FKBP15: variants seen among roughly 807,000 people sequenced by gnomAD.
FKBP15 encodes the protein FKBP prolyl isomerase family member 15, also known as FK506-binding protein 15.
FKBP15 carries 106 observed loss-of-function variants against 158.1 expected under a neutral mutation model. That is an observed-to-expected ratio of 0.67 (90% CI 0.57 to 0.79). FKBP15 has a LOEUF of 0.79. FKBP15 is among the 30% of genes least tolerant of loss of function. The pLI is 0.00. For missense variants in FKBP15, 1,287 were observed against 1,479.1 expected (o/e 0.87, Z 2.13); for synonymous variants, 547 against 548.6 (o/e 1.00, Z 0.04).
intron 2 of FKBP15, among the ~76,000 whole-genome samples, chr9:113,211,102 CATACGT>C (rs1336735048): frequency 1.3e-5 from 2 of 152,222 alleles, no homozygotes; most frequent in Non-Finnish European, 2.9e-5. Context: ...CACTTTCACA[CATACGT>C]ATATTCTATT....
At chr9:113,188,849 C>CA (rs34707583) in intron 12 of FKBP15, among the ~76,000 whole-genome samples, 5 of 152,078 alleles carry the variant, frequency 3.3e-5, no homozygotes, top group African/African-American at 9.7e-5. Context: ...TCTATTCCCA[C>CA]AAAAAAAGTG....
chr9:113,180,169 T>C (rs1830368090), intron 19 of FKBP15, among the ~76,000 whole-genome samples: 1 of 151,954 alleles, frequency 6.6e-6, no homozygotes, highest in African/African-American at 2.4e-5. Context: ...TTAAGCAGAG[T>C]AGAAAATCAC....
rs760891480 is a variant in FKBP15 at position 113,169,661 on chromosome 9, T to C, written c.3048A>G (p.Ala1016=). The C allele has an allele frequency of 6.2e-7, 1 of 1,613,930 alleles. No homozygotes were observed. Among genetic ancestry groups the C allele is most frequent in the Admixed American group, 1.7e-5 (1 of 60,016 alleles). The change falls in exon 26 of 28, where the codon GCA becomes GCG. Residue 1016 remains alanine, a synonymous_variant. Transcript: ENST00000238256. ...HRRKGDSEAE[A]LSEIKDGSLP... The stretch of plus-strand genomic sequence containing the variant: ...GGGAACCATCTTTTATCTCTGAGAG[T>C]GCCTCAGCTTCTGAGTCCCCTTTCC...
intron 2 of FKBP15, among the ~76,000 whole-genome samples, chr9:113,211,007 C>G: frequency 6.6e-6 from 1 of 152,236 alleles, no homozygotes; most frequent in Non-Finnish European, 1.5e-5. Flanking sequence ...TGATCCACTA[C>G]TGGCTTCCTT....
rs762306083 is a variant in FKBP15 at position 113,169,745 on chromosome 9, G to C, written c.2964C>G (p.Val988=). The C allele has an allele frequency of 8.7e-6, 14 of 1,611,660 alleles. No individual in the cohort carries two copies. Among genetic ancestry groups the C allele is most frequent in the Non-Finnish European group, 9.3e-6 (11 of 1,179,002 alleles). ...GAGGAGGCAACGGGACAGCTTCCTCGACCACCTGCTCTGAGGGCACCATGG... is the reference window on the plus strand; with the variant it reads ...GAGGAGGCAACGGGACAGCTTCCTCCACCACCTGCTCTGAGGGCACCATGG... The part of the protein sequence containing the change: ...ESPMVPSEQV[V]EEAVPLPPQA... The change falls in exon 26 of 28, where the codon GTC becomes GTG. Residue 988 remains valine, a synonymous_variant. Coordinates refer to ENST00000238256, the MANE Select transcript of FKBP15 (RefSeq NM_015258.2).
chr9:113,197,510 A>G (rs1830709750), intron 8 of FKBP15, among the ~76,000 whole-genome samples: 1 of 152,168 alleles, frequency 6.6e-6, no homozygotes, highest in Admixed American at 6.5e-5. Context: ...TCTACTAAAA[A>G]TACAAAAAAT....
Position 113,197,080 on chromosome 9 carries a change from T to G in FKBP15, c.718-2A>C, listed in dbSNP as rs1564175041. 6.2e-7 allele frequency: 1 copy of G among 1,610,572 alleles called. No individual in the cohort carries two copies. Among genetic ancestry groups the G allele is most frequent in the East Asian group, 2.2e-5 (1 of 44,774 alleles). ...GCCCAGCATTCCATCCTCCCAGCCCTTTAAAAATCAGATAGGAAAAGCTCA... is the reference window on the plus strand; with the variant it reads ...GCCCAGCATTCCATCCTCCCAGCCCGTTAAAAATCAGATAGGAAAAGCTCA... On this transcript the variant is annotated splice_acceptor_variant, in intron 8 of 27. Transcript: ENST00000238256. LOFTEE classifies it high-confidence loss of function.
chr9:113,189,919 A>G (rs1830546213), intron 12 of FKBP15, among the ~76,000 whole-genome samples: 1 of 152,224 alleles, frequency 6.6e-6, no homozygotes, highest in Non-Finnish European at 1.5e-5. Context: ...TGATATTTAT[A>G]ATCTGAAAGT....
At position 113,163,067 on chromosome 9, in the gene FKBP15, C is replaced by G. The variant is rs1244170180; in HGVS notation, c.*3011G>C. 1 of 722,690 alleles carries G rather than the reference C, an allele frequency of 1.4e-6. No individual in the cohort carries two copies. Among genetic ancestry groups the G allele is most frequent in the African/African-American group, 1.8e-5 (1 of 54,954 alleles). The allele number at this position is 722,690 out of a possible 1,614,324, so 44.8% of individuals were successfully genotyped here. Reference sequence around the variant, plus strand: ...TTTGAGCTGAAGCCAGCACTTGCTCCCTGGAGTTCGGAAGCCATTGCAGCA... The same window carrying G: ...TTTGAGCTGAAGCCAGCACTTGCTCGCTGGAGTTCGGAAGCCATTGCAGCA... On this transcript the variant is annotated 3_prime_UTR_variant, in exon 28 of 28. Coordinates refer to ENST00000238256, the MANE Select transcript of FKBP15 (RefSeq NM_015258.2).
chr9:113,166,999 G>A (rs941589464), intron 27 of FKBP15, among the ~76,000 whole-genome samples: 4 of 152,300 alleles, frequency 2.6e-5, no homozygotes, highest in South Asian at 4.1e-4. Context: ...GGAAGGCAGC[G>A]TGATGTGTAT....
At chr9:113,202,859 G>A (rs1258495721) in intron 5 of FKBP15, 102 bp downstream of exon 5, 1 of 995,034 alleles carries the variant, frequency 1.0e-6, no homozygotes, top group African/African-American at 1.6e-5. Context: ...GGACACCCAG[G>A]GCTGAACCAG....
In FKBP15 at chr9:113,174,697, C is replaced by T. The variant is rs545448587; in HGVS notation, c.2224-114G>A. ...ATCCTTACTCCATTTCTGAAAACTC[C>T]ATTTTTTAGTTGAATTTTCCCCTAA... On this transcript the variant is annotated intron_variant, in intron 21 of 27. Transcript: ENST00000238256. 1.8e-4 allele frequency: 205 copies of T among 1,131,376 alleles called. 1 individual carries two copies. Among genetic ancestry groups the T allele is most frequent in the Non-Finnish European group, 2.1e-4 (170 of 828,928 alleles). 70.1% of individuals were successfully genotyped at this position (1,131,376 alleles called of 1,614,324 possible).
chr9:113,202,561 C>T lies in FKBP15; in HGVS notation c.468G>A (p.Ser156=), dbSNP rs764743396. Residue 156 remains serine, a synonymous_variant, in exon 6 of 28, where the codon TCG becomes TCA. Transcript: ENST00000238256. ...QRQNWSIMFE[S]EKAAVEFNKQ... ...TATTGAACTCCACAGCAGCCTTTTC[C>T]GACTCAAACATGATGGACCAGTTCT... is the stretch of plus-strand genomic sequence containing the variant. 52 of 1,583,862 alleles carry T rather than the reference C, an allele frequency of 3.3e-5. No homozygotes were observed. Among genetic ancestry groups the T allele is most frequent in the Non-Finnish European group, 4.0e-5 (47 of 1,163,848 alleles).
rs1456763620 is a variant in FKBP15, at chr9:113,164,329, A to G, written c.*1749T>C. 2 of 152,236 alleles carry G rather than the reference A, an allele frequency of 1.3e-5. No homozygotes were observed. The highest frequency in any genetic ancestry group is 4.8e-5 in the African/African-American group (2 of 41,446). 9.4% of individuals were successfully genotyped at this position (152,236 alleles called of 1,614,324 possible). ...GCCCTGAAATGCTGCACCCAGGTAGACACCCCAGAATGCCAACTGAGGCAA... is the reference window on the plus strand; with the variant it reads ...GCCCTGAAATGCTGCACCCAGGTAGGCACCCCAGAATGCCAACTGAGGCAA... On this transcript the variant is annotated 3_prime_UTR_variant, in exon 28 of 28. Coordinates refer to ENST00000238256, the MANE Select transcript of FKBP15 (RefSeq NM_015258.2).
chr9:113,183,144 A>G (rs1476948098), intron 18 of FKBP15, among the ~76,000 whole-genome samples: 1 of 152,114 alleles, frequency 6.6e-6, no homozygotes, highest in East Asian at 1.9e-4. Context: ...AAGAGACAGG[A>G]GTAAGGAGGC....
At chr9:113,210,332 CTTTTTT>C (rs35201179) in intron 2 of FKBP15, among the ~76,000 whole-genome samples, 3 of 114,732 alleles carry the variant, frequency 2.6e-5, no homozygotes, top group Non-Finnish European at 3.4e-5. Flanking sequence ...GTTGTGATGG[CTTTTTT>C]TTTTTTTTTT....
intron 19 of FKBP15, 71 bp from the exon 20 acceptor site, chr9:113,178,872 C>T: frequency 1.4e-6 from 2 of 1,434,520 alleles, no homozygotes; most frequent in South Asian, 1.4e-5. Context: ...ACCAACCTCA[C>T]ATAACTCTAT....
At chr9:113,171,228 C>G (rs953638667) in intron 24 of FKBP15, among the ~76,000 whole-genome samples, 1 of 152,136 alleles carries the variant, frequency 6.6e-6, no homozygotes, top group African/African-American at 2.4e-5. Flanking sequence ...GAGACCGAGA[C>G]CATCCTGGCC....
chr9:113,176,527 T>C lies in FKBP15; in HGVS notation c.2223+10A>G. ...CAGCTAATTCTGGCCAACTGGGTTG[T>C]AGAGCTTACCTTTTCCAAGGACTCC... On this transcript the variant is annotated intron_variant, in intron 21 of 27. Transcript: ENST00000238256. The C allele has an allele frequency of 6.4e-7, 1 of 1,552,456 alleles. No individual in the cohort carries two copies. Among genetic ancestry groups the C allele is most frequent in the Non-Finnish European group, 8.7e-7 (1 of 1,147,164 alleles).
Sources: allele counts gnomAD v4.1 joint callset (sites outside exome capture counted in the v4.1 genomes callset), GRCh38; gene constraint gnomAD v4.1.1; transcripts MANE v1.5; gene names NCBI Gene and HGNC (gene_info 2026-07-23, HGNC 2026-07-21).